AKAP10: variants seen among roughly 807,000 people sequenced by gnomAD.
The protein encoded by AKAP10 is A-kinase anchor protein 10, mitochondrial.
In AKAP10, 24 loss-of-function variants were observed where a neutral mutation model predicts 80.8. The observed-to-expected ratio is 0.30, with a 90% CI of 0.22 to 0.42. The LOEUF (loss-of-function observed/expected upper bound fraction) is 0.42. AKAP10 is among the 10% of genes least tolerant of loss of function. The pLI is 1.00. For missense variants in AKAP10, 661 were observed against 794.9 expected, an observed-to-expected ratio of 0.83 and a Z score of 2.03; for synonymous variants, 291 against 277.7, an observed-to-expected ratio of 1.05 and a Z score of -0.48.
At position 19,940,966 on chromosome 17, in the gene AKAP10, TG is replaced by T; in HGVS notation, c.1105del (p.Gln369ArgfsTer5). The stretch of plus-strand genomic sequence containing the variant: ...AGTTCCACTGGTCAGCACTTCAATC[TG>T]GTATTTACAGAAATGGTGACTTCGC... ...FLRSHHFCKY[Q>X]IEVLTSGTVY... is the part of the protein sequence containing the mutation. On this transcript the variant is annotated frameshift_variant, in exon 7 of 15. Coordinates refer to ENST00000225737, the MANE Select transcript of AKAP10 (RefSeq NM_007202.4). LOFTEE classifies it high-confidence loss of function. 6.2e-7 allele frequency: 1 copy of T among 1,611,410 alleles called. No homozygotes were observed. Among genetic ancestry groups the T allele is most frequent in the Non-Finnish European group, 8.5e-7 (1 of 1,179,352 alleles).
chr17:19,975,478 C>T (rs912033539), intron 1 of AKAP10, among the ~76,000 whole-genome samples: 9 of 152,182 alleles, frequency 5.9e-5, no homozygotes, highest in Admixed American at 5.2e-4. Flanking sequence ...ATTCCCTGGC[C>T]TCTCTAGTTA....
At chr17:19,931,696 C>CT (rs1284735950) in intron 10 of AKAP10, 109 bp downstream of exon 10, 76 of 1,332,778 alleles carry the variant, frequency 5.7e-5, no homozygotes, top group African/African-American at 9.0e-5. Context: ...TGGCTTTTAT[C>CT]TTTTTTTTCC....
intron 1 of AKAP10, among the ~76,000 whole-genome samples, chr17:19,973,860 G>T (rs1350819932): frequency 6.6e-6 from 1 of 152,198 alleles, no homozygotes; most frequent in Admixed American, 6.5e-5. Context: ...AGAGTAGGAG[G>T]AAAGAAGAGG....
At chr17:19,952,557 A>C (rs1363294572) in intron 4 of AKAP10, among the ~76,000 whole-genome samples, 2 of 152,120 alleles carry the variant, frequency 1.3e-5, no homozygotes, top group African/African-American at 4.8e-5. Context: ...ATAGAATTAT[A>C]AAGGTAGATC....
In AKAP10 at chr17:19,962,990, T is replaced by C. The variant is rs767453188; in HGVS notation, c.169A>G (p.Thr57Ala). The change falls in exon 3 of 15, where the codon ACT (threonine) becomes GCT (alanine). Residue 57 changes from threonine to alanine, a missense_variant. Transcript: ENST00000225737. ...GCCTCCAGCAAGGCATGATTTTTAG[T>C]GCTTTTTTGTGGGGAATGTACGGAT... Reference protein sequence around the residue: ...SISVHSPQKSTKNHALLEAAG... With the variant: ...SISVHSPQKSAKNHALLEAAG... 9 of 1,613,194 alleles carry C rather than the reference T, an allele frequency of 5.6e-6. No homozygotes were observed. In the African/African-American group the frequency reaches 1.2e-4, roughly 22 times the overall value.
intron 11 of AKAP10, among the ~76,000 whole-genome samples, chr17:19,920,887 C>CAAAAAAAAAAAAAAAAAAAAA (rs2042805303): frequency 1.0e-4 from 7 of 66,882 alleles, no homozygotes; most frequent in African/African-American, 4.4e-4. Flanking sequence ...AAAAAAAAAG[C>CAAAAAAAAAAAAAAAAAAAAA]AAAAAATACA....
intron 12 of AKAP10, among the ~76,000 whole-genome samples, chr17:19,916,469 G>GA (rs2042743233): frequency 6.6e-6 from 1 of 152,102 alleles, no homozygotes; most frequent in African/African-American, 2.4e-5. Flanking sequence ...AGTGGTTTGG[G>GA]AAAAAATTTC....
intron 13 of AKAP10, among the ~76,000 whole-genome samples, chr17:19,909,622 AG>A (rs2042668123): frequency 1.3e-5 from 2 of 151,500 alleles, no homozygotes; most frequent in Non-Finnish European, 3.0e-5. Context: ...CCAGTGGGGA[AG>A]GAAACATTTG....
intron 10 of AKAP10, among the ~76,000 whole-genome samples, chr17:19,927,824 C>T (rs1399454811): frequency 3.3e-5 from 5 of 151,884 alleles, no homozygotes; most frequent in African/African-American, 9.7e-5. Context: ...GCAGGAAAAT[C>T]GCTTGAACCC....
At chr17:19,950,805 G>GC (rs1263060440) in intron 4 of AKAP10, among the ~76,000 whole-genome samples, 2 of 151,218 alleles carry the variant, frequency 1.3e-5, no homozygotes, top group Non-Finnish European at 2.9e-5. Flanking sequence ...CTGACCGGCC[G>GC]CCCCGTCTGG....
intron 12 of AKAP10, among the ~76,000 whole-genome samples, chr17:19,918,081 G>A (rs533746848): frequency 6.6e-6 from 1 of 151,482 alleles, no homozygotes; most frequent in Non-Finnish European, 1.5e-5. Flanking sequence ...TTAGCTAGAT[G>A]TGGTGGCACG....
chr17:19,971,702 C>T (rs901397591), intron 1 of AKAP10, among the ~76,000 whole-genome samples: 1 of 152,142 alleles, frequency 6.6e-6, no homozygotes, highest in Admixed American at 6.5e-5. Context: ...TACTTTATTT[C>T]CTAATTTTCA....
chr17:19,968,912 T>C (rs2043458646), intron 1 of AKAP10, among the ~76,000 whole-genome samples: 1 of 152,194 alleles, frequency 6.6e-6, no homozygotes, highest in Admixed American at 6.5e-5. Context: ...TAACCAATAT[T>C]ATTACCATGT....
intron 4 of AKAP10, among the ~76,000 whole-genome samples, chr17:19,957,777 T>C (rs1490598381): frequency 6.6e-6 from 1 of 152,134 alleles, no homozygotes; most frequent in Non-Finnish European, 1.5e-5. Flanking sequence ...AAGTAGGACA[T>C]TTGACCCTTC....
Position 19,936,297 on chromosome 17 carries a change from T to C in AKAP10, c.1456A>G (p.Thr486Ala), listed in dbSNP as rs373642942. 3 of 1,611,948 alleles carry C rather than the reference T, an allele frequency of 1.9e-6. No individual in the cohort carries two copies. Among genetic ancestry groups the C allele is most frequent in the Non-Finnish European group, 1.7e-6 (2 of 1,178,872 alleles). The change falls in exon 9 of 15, where the codon ACC becomes GCC. Residue 486 changes from threonine to alanine, a missense_variant. Thr to Ala is a moderately conservative substitution (Grantham distance 58). Transcript: ENST00000225737. ...AAGTTCTGGGTTACCTTCTCCATGG[T>C]TGTCCAGGCCTGACGTAATGGAGTT... ...FTTPLRQAWT[T>A]MEKVFLPGFL...
At chr17:19,948,558 A>C (rs886710200) in intron 4 of AKAP10, among the ~76,000 whole-genome samples, 2 of 152,072 alleles carry the variant, frequency 1.3e-5, no homozygotes, top group African/African-American at 4.8e-5. Context: ...AAGAAGAAGA[A>C]GTCGTGGCCA....
intron 5 of AKAP10, among the ~76,000 whole-genome samples, chr17:19,945,020 T>C (rs1364221262): frequency 6.6e-6 from 1 of 152,170 alleles, no homozygotes; most frequent in African/African-American, 2.4e-5. Context: ...ACAAATAATT[T>C]GGACAGGATT....
At chr17:19,928,471 G>A (rs926887337) in intron 10 of AKAP10, among the ~76,000 whole-genome samples, 5 of 152,212 alleles carry the variant, frequency 3.3e-5, no homozygotes, top group African/African-American at 1.2e-4. Flanking sequence ...CACTGCTGGT[G>A]GGATTGCAAA....
chr17:19,931,722 C>T, intron 10 of AKAP10, 83 bp downstream of exon 10: 1 of 1,439,044 alleles, frequency 6.9e-7, no homozygotes, highest in Admixed American at 2.4e-5. Flanking sequence ...TTAAAATTTA[C>T]AAATAATAGG....
Sources: gnomAD v4.1 joint callset for allele counts (sites outside exome capture counted in the v4.1 genomes callset) on GRCh38, gnomAD v4.1.1 for gene constraint, MANE v1.5 for transcripts, NCBI Gene and HGNC (gene_info 2026-07-23, HGNC 2026-07-21) for gene names.